EFR3A: variants seen among roughly 807,000 people sequenced by gnomAD.
EFR3A encodes protein EFR3 homolog A.
EFR3A carries 76 observed loss-of-function variants against 104.4 expected under a neutral mutation model. The observed-to-expected ratio is 0.73, with a 90% CI of 0.60 to 0.88. The LOEUF (loss-of-function observed/expected upper bound fraction) is 0.88, where lower values mean the gene tolerates loss of function less well. Among genes scored for constraint, EFR3A ranks in the 40% least tolerant of loss-of-function variants. The pLI, the probability that EFR3A is intolerant of heterozygous loss-of-function variation, is 0.00. For missense variants in EFR3A, 985 were observed against 1,012.5 expected (o/e 0.97, Z 0.37); for synonymous variants, 330 against 330.0 (o/e 1.00, Z 0.00).
At chr8:132,009,529 G>T (rs1211230418) in intron 22 of EFR3A, among the ~76,000 whole-genome samples, 1 of 151,978 alleles carries the variant, frequency 6.6e-6, no homozygotes, top group East Asian at 1.9e-4. Flanking sequence ...CCTGCATATG[G>T]GTAAGTGGAA....
chr8:131,990,793 A>T (rs556435964), intron 18 of EFR3A, among the ~76,000 whole-genome samples: 274 of 152,242 alleles, frequency 1.8e-3, no homozygotes, highest in African/African-American at 6.5e-3. Context: ...AGAAAAATTT[A>T]TGAGAGAGAA....
At chr8:131,940,180 G>A (rs1358703514) in intron 1 of EFR3A, 4 of 277,178 alleles carry the variant, frequency 1.4e-5, no homozygotes, top group African/African-American at 2.2e-5. Context: ...AGGTGGGTGG[G>A]GGTATGCCGG....
intron 8 of EFR3A, among the ~76,000 whole-genome samples, chr8:131,964,509 T>C (rs113493558): frequency 0.036 from 5,459 of 152,046 alleles, 191 homozygotes; most frequent in African/African-American, 0.093. Context: ...GGAATCCAAC[T>C]TACAGGGGAT....
intron 18 of EFR3A, among the ~76,000 whole-genome samples, chr8:131,988,179 TCTGTGAAC>T (rs781153332): frequency 1.3e-5 from 2 of 151,818 alleles, no homozygotes; most frequent in African/African-American, 2.4e-5. Flanking sequence ...ATATATTTTC[TCTGTGAAC>T]TATATATTTT....
chr8:131,966,061 TG>T (rs1819705379), intron 8 of EFR3A, among the ~76,000 whole-genome samples: 1 of 151,768 alleles, frequency 6.6e-6, no homozygotes, highest in Non-Finnish European at 1.5e-5. Flanking sequence ...GGGCCTGTTG[TG>T]GGGTGGGGTG....
At chr8:131,954,064 A>G in intron 6 of EFR3A, 97 bp downstream of exon 6, 1 of 1,208,012 alleles carries the variant, frequency 8.3e-7, no homozygotes, top group East Asian at 2.7e-5. Flanking sequence ...GTACTCTGTA[A>G]ACAGTAGTCT....
At chr8:131,997,458 A>T (rs1050786696) in intron 19 of EFR3A, among the ~76,000 whole-genome samples, 34 of 152,100 alleles carry the variant, frequency 2.2e-4, no homozygotes, top group African/African-American at 8.2e-4. Context: ...TTTCTATGCC[A>T]TTCAACTTCC....
In EFR3A at chr8:131,970,670, A is replaced by G. The variant is rs770244410; in HGVS notation, c.1159+27A>G. The G allele has an allele frequency of 5.0e-6, 8 of 1,599,142 alleles. No homozygotes were observed. The Admixed American group carries it at 6.9e-5, about 14-fold the overall frequency. On this transcript the variant is annotated intron_variant, in intron 10 of 22. Transcript: ENST00000254624. The stretch of plus-strand genomic sequence containing the variant: ...TGAGTACATTTCACTTTTCAAAACT[A>G]TCATGTAAAACAGTGATTTACAAAG...
chr8:131,931,656 A>G (rs1230324834), intron 1 of EFR3A, among the ~76,000 whole-genome samples: 1 of 152,096 alleles, frequency 6.6e-6, no homozygotes, highest in African/African-American at 2.4e-5. Context: ...AAACATTTTC[A>G]TTACAAATGT....
At chr8:131,925,763 T>A (rs1817265235) in intron 1 of EFR3A, among the ~76,000 whole-genome samples, 1 of 152,128 alleles carries the variant, frequency 6.6e-6, no homozygotes, top group South Asian at 2.1e-4. Flanking sequence ...AAAGTTGCCT[T>A]AAATTGGGTT....
At chr8:131,997,113 T>TA (rs896925613) in intron 19 of EFR3A, among the ~76,000 whole-genome samples, 2 of 152,012 alleles carry the variant, frequency 1.3e-5, no homozygotes, top group Non-Finnish European at 2.9e-5. Flanking sequence ...CCTCCTGACT[T>TA]ATAGGGGAAA....
intron 18 of EFR3A, among the ~76,000 whole-genome samples, chr8:131,995,412 C>G (rs575499861): frequency 6.6e-6 from 1 of 152,238 alleles, no homozygotes; most frequent in South Asian, 2.1e-4. Context: ...AAACTGTAAG[C>G]TGCACGGGAT....
At chr8:131,905,506 C>G (rs1036685097) in intron 1 of EFR3A, among the ~76,000 whole-genome samples, 4 of 151,764 alleles carry the variant, frequency 2.6e-5, no homozygotes, top group African/African-American at 9.7e-5. Flanking sequence ...TTACATAGTC[C>G]TGATGTAGAG....
chr8:131,966,679 T>G (rs1819755311), intron 8 of EFR3A, among the ~76,000 whole-genome samples: 1 of 152,150 alleles, frequency 6.6e-6, no homozygotes, highest in Non-Finnish European at 1.5e-5. Flanking sequence ...ATTTAGCTAT[T>G]AAATGATAGT....
intron 2 of EFR3A, 111 bp downstream of exon 2, chr8:131,940,686 AT>A: frequency 7.0e-7 from 1 of 1,427,670 alleles, no homozygotes; most frequent in Non-Finnish European, 9.2e-7. Context: ...CTTACATCTC[AT>A]CATTTATACT....
intron 14 of EFR3A, among the ~76,000 whole-genome samples, chr8:131,979,815 T>G (rs184175274): frequency 2.6e-5 from 4 of 152,262 alleles, no homozygotes; most frequent in African/African-American, 9.6e-5. Flanking sequence ...GTTTTTGCTG[T>G]CTTATTAGAC....
intron 8 of EFR3A, among the ~76,000 whole-genome samples, chr8:131,962,763 T>G (rs567051050): frequency 6.6e-6 from 1 of 152,294 alleles, no homozygotes; most frequent in Admixed American, 6.5e-5. Flanking sequence ...CAACAGAATA[T>G]ACATTCTTCT....
At chr8:131,920,928 T>C (rs1816984693) in intron 1 of EFR3A, among the ~76,000 whole-genome samples, 1 of 152,192 alleles carries the variant, frequency 6.6e-6, no homozygotes, top group African/African-American at 2.4e-5. Flanking sequence ...AAATATTTGG[T>C]AAATACATTT....
intron 8 of EFR3A, among the ~76,000 whole-genome samples, chr8:131,960,639 C>G (rs1274396730): frequency 6.6e-6 from 1 of 152,134 alleles, no homozygotes; most frequent in Non-Finnish European, 1.5e-5. Context: ...AGGTATCATT[C>G]TTAGGTAATA....
Sources: gnomAD v4.1 joint callset for allele counts (sites outside exome capture counted in the v4.1 genomes callset) on GRCh38, gnomAD v4.1.1 for gene constraint, MANE v1.5 for transcripts, NCBI Gene and HGNC (gene_info 2026-07-23, HGNC 2026-07-21) for gene names.